The following EFR3A variants were observed in gnomAD, a reference collection of about 807,000 sequenced individuals.
EFR3A encodes the protein EFR3 homolog A.
Under a neutral mutation model 104.4 loss-of-function variants are expected in EFR3A, and 76 were observed. The observed-to-expected ratio is 0.73, with a 90% CI of 0.60 to 0.88. EFR3A has a LOEUF of 0.88. Ranked by LOEUF, EFR3A falls within the 40% of genes least tolerant of loss-of-function variation. The pLI, the probability that EFR3A is intolerant of heterozygous loss-of-function variation, is 0.00. For synonymous variants in EFR3A, 330 were observed against 330.0 expected, an observed-to-expected ratio of 1.00 and a Z score of 0.00; for missense variants, 985 against 1,012.5, an observed-to-expected ratio of 0.97 and a Z score of 0.37.
chr8:131,965,261 C>A (rs1425973979), intron 8 of EFR3A, among the ~76,000 whole-genome samples: 4 of 152,092 alleles, frequency 2.6e-5, no homozygotes, highest in Admixed American at 2.0e-4. Context: ...GAAGAAACTA[C>A]CATCAGAGTC....
chr8:131,953,513 T>G (rs1818814093), intron 5 of EFR3A, among the ~76,000 whole-genome samples: 1 of 152,134 alleles, frequency 6.6e-6, no homozygotes, highest in East Asian at 1.9e-4. Flanking sequence ...TCATTATCAT[T>G]TTAAGAAAAC....
intron 7 of EFR3A, 80 bp from the exon 8 acceptor site, chr8:131,959,505 G>C: frequency 8.9e-7 from 1 of 1,125,400 alleles, no homozygotes; most frequent in Non-Finnish European, 1.3e-6. Flanking sequence ...TCACTATTAA[G>C]CTTTTCCTAT....
chr8:131,946,420 A>G (rs903469450), intron 3 of EFR3A, 63 bp from the exon 4 acceptor site: 3 of 1,378,692 alleles, frequency 2.2e-6, no homozygotes, highest in Non-Finnish European at 2.9e-6. Flanking sequence ...CTTCCAATGT[A>G]AAGCACTTAG....
intron 1 of EFR3A, among the ~76,000 whole-genome samples, chr8:131,909,313 G>T (rs1816398373): frequency 6.6e-6 from 1 of 152,142 alleles, no homozygotes; most frequent in Non-Finnish European, 1.5e-5. Flanking sequence ...CACTTTGGGA[G>T]GCCAAGAAGA....
intron 8 of EFR3A, among the ~76,000 whole-genome samples, chr8:131,961,179 T>G (rs909228428): frequency 6.6e-6 from 1 of 152,128 alleles, no homozygotes; most frequent in African/African-American, 2.4e-5. Flanking sequence ...GGAATGCAGC[T>G]CCTCACCAGC....
At chr8:131,924,544 C>G (rs769633382) in intron 1 of EFR3A, among the ~76,000 whole-genome samples, 25 of 152,092 alleles carry the variant, frequency 1.6e-4, no homozygotes, top group Admixed American at 5.2e-4. Flanking sequence ...TCTGATTCTT[C>G]TCTAAGGCCC....
rs753935746 is a variant in EFR3A, at chr8:131,984,134, C to T, written c.1576-5C>T. ...TTACCTTTGTCCTCTGTCTTTTCTCCTCAGAATGGGCAACAGCTGTATCGG... is the reference window on the plus strand; with the variant it reads ...TTACCTTTGTCCTCTGTCTTTTCTCTTCAGAATGGGCAACAGCTGTATCGG... On this transcript the variant is annotated splice_polypyrimidine_tract_variant and splice_region_variant and intron_variant, in intron 14 of 22. Transcript: ENST00000254624. 1.8e-5 allele frequency: 29 copies of T among 1,591,236 alleles called. No homozygotes were observed. The highest frequency in any genetic ancestry group is 1.8e-4 in the East Asian group (8 of 44,374).
chr8:131,988,561 T>C (rs1037639737), intron 18 of EFR3A, among the ~76,000 whole-genome samples: 8 of 152,116 alleles, frequency 5.3e-5, no homozygotes, highest in Non-Finnish European at 2.9e-5. Flanking sequence ...TTTTATGCTT[T>C]AAAAGATTGT....
At chr8:131,950,283 T>TA (rs1360757229) in intron 5 of EFR3A, among the ~76,000 whole-genome samples, 193 bp downstream of exon 5, 2 of 152,168 alleles carry the variant, frequency 1.3e-5, no homozygotes, top group Admixed American at 1.3e-4. Flanking sequence ...AATGCGGTCT[T>TA]TACTGTAGCC....
At chr8:131,968,644 T>A (rs904460362) in intron 9 of EFR3A, among the ~76,000 whole-genome samples, 1 of 152,158 alleles carries the variant, frequency 6.6e-6, no homozygotes, top group Non-Finnish European at 1.5e-5. Flanking sequence ...CTCCTCCCTT[T>A]CCTTCTTCTA....
intron 1 of EFR3A, among the ~76,000 whole-genome samples, chr8:131,925,056 C>T (rs971356737): frequency 1.3e-5 from 2 of 152,022 alleles, no homozygotes; most frequent in African/African-American, 4.8e-5. Flanking sequence ...GAACCTTAGT[C>T]TTAGTTCCTT....
At chr8:131,944,669 T>G in intron 2 of EFR3A, 76 bp from the exon 3 acceptor site, 1 of 1,395,450 alleles carries the variant, frequency 7.2e-7, no homozygotes, top group Non-Finnish European at 9.6e-7. Flanking sequence ...AAAGGGAAAT[T>G]GTAAAGCAGG....
chr8:131,975,466 G>T (rs1820281617), intron 10 of EFR3A, among the ~76,000 whole-genome samples: 1 of 135,646 alleles, frequency 7.4e-6, no homozygotes, highest in African/African-American at 2.7e-5. Flanking sequence ...GCCCAGGCTG[G>T]AGTGCAGTGG....
rs1820458563 is a variant in EFR3A, at chr8:131,978,911, T to C, written c.1391T>C (p.Leu464Ser). 1 of 1,613,034 alleles carries C rather than the reference T, an allele frequency of 6.2e-7. No individual in the cohort carries two copies. Among genetic ancestry groups the C allele is most frequent in the Non-Finnish European group, 8.5e-7 (1 of 1,179,278 alleles). Residue 464 changes from leucine to serine, a missense_variant, in exon 13 of 23, where the codon TTG becomes TCG. Leu to Ser is a moderately radical substitution (Grantham distance 145). Transcript: ENST00000254624. The stretch of plus-strand genomic sequence containing the variant: ...CTGCCAGGGTCTTTCCTGGATCCTT[T>C]GTTATCACCATCTCTCATGGAGGAC... ...TALPGSFLDP[L>S]LSPSLMEDYE...
chr8:131,941,785 T>C (rs1346816375), intron 2 of EFR3A, among the ~76,000 whole-genome samples: 1 of 152,082 alleles, frequency 6.6e-6, no homozygotes, highest in African/African-American at 2.4e-5. Context: ...GTATACCATC[T>C]GGAGAGGTAG....
At chr8:131,964,408 A>G (rs1819575807) in intron 8 of EFR3A, among the ~76,000 whole-genome samples, 1 of 152,034 alleles carries the variant, frequency 6.6e-6, no homozygotes, top group South Asian at 2.1e-4. Context: ...AAAAATCACA[A>G]GCATTCTTAT....
chr8:131,923,217 A>C (rs1457175970), intron 1 of EFR3A, among the ~76,000 whole-genome samples: 1 of 152,150 alleles, frequency 6.6e-6, no homozygotes, highest in Non-Finnish European at 1.5e-5. Context: ...TCGGCAAAGT[A>C]TTATGTGGCT....
At chr8:131,963,006 G>A (rs1046209704) in intron 8 of EFR3A, among the ~76,000 whole-genome samples, 2 of 152,210 alleles carry the variant, frequency 1.3e-5, no homozygotes, top group African/African-American at 4.8e-5. Context: ...AAATGAAGAT[G>A]TTCTTTGAAA....
intron 22 of EFR3A, among the ~76,000 whole-genome samples, chr8:132,004,852 A>G (rs1269332007): frequency 6.6e-6 from 1 of 152,188 alleles, no homozygotes; most frequent in Admixed American, 6.5e-5. Context: ...TCAAAATTCA[A>G]ATCCATAACT....
Sources: allele counts gnomAD v4.1 joint callset (sites outside exome capture counted in the v4.1 genomes callset), GRCh38; gene constraint gnomAD v4.1.1; transcripts MANE v1.5; gene names NCBI Gene and HGNC (gene_info 2026-07-23, HGNC 2026-07-21).